Variants in BTBD8 observed in about 807,000 individuals in gnomAD.
BTBD8 encodes the protein BTB/POZ domain-containing protein 8.
In BTBD8, 110 loss-of-function variants were observed where a neutral mutation model predicts 162.9. The ratio of observed to expected loss-of-function variants is 0.68; its 90% CI spans 0.58 to 0.79. The LOEUF (loss-of-function observed/expected upper bound fraction) is 0.79, where lower values mean the gene tolerates loss of function less well. Among genes scored for constraint, BTBD8 ranks in the 30% least tolerant of loss-of-function variants. The pLI is 0.00. For missense variants in BTBD8, 1,905 were observed against 2,085.4 expected (o/e 0.91, Z 1.68); for synonymous variants, 667 against 716.1 (o/e 0.93, Z 1.10).
Position 92,081,146 on chromosome 1 carries a change from A to G in BTBD8, c.149+426A>G, listed in dbSNP as rs192004253. ...TTATTTGAAATGAGGAAAGAACAAT[A>G]CTATAGTCTTGGAGGTCTCTTCTGA... On this transcript the variant is annotated intron_variant, in intron 1 of 17. Coordinates refer to ENST00000636805, the MANE Select transcript of BTBD8 (RefSeq NM_001376131.1). 2.0e-5 allele frequency among the ~76,000 whole-genome samples: 3 copies of G among 152,312 alleles called. No individual in the cohort carries two copies. In the East Asian group the frequency reaches 5.8e-4, roughly 29 times the overall value.
At chr1:92,094,739 A>C (rs1446396570) in intron 2 of BTBD8, among the ~76,000 whole-genome samples, 1 of 152,232 alleles carries the variant, frequency 6.6e-6, no homozygotes, top group Non-Finnish European at 1.5e-5. Context: ...TTGATTTCCC[A>C]AGAAGACTAA....
At chr1:92,130,221 C>T (rs1649479749) in intron 5 of BTBD8, among the ~76,000 whole-genome samples, 1 of 152,114 alleles carries the variant, frequency 6.6e-6, no homozygotes, top group African/African-American at 2.4e-5. Context: ...AGATCAAGGA[C>T]CCATGTGACC....
At chr1:92,162,701 C>T (rs1394582037) in intron 9 of BTBD8, among the ~76,000 whole-genome samples, 3 of 152,106 alleles carry the variant, frequency 2.0e-5, no homozygotes, top group East Asian at 3.9e-4. Context: ...TTCCCTATTG[C>T]ACTCTTCCAG....
At position 92,178,203 on chromosome 1, in the gene BTBD8, A is replaced by C. The variant is rs1650777855; in HGVS notation, c.2442-109A>C. 10 of 821,300 alleles carry C rather than the reference A, an allele frequency of 1.2e-5. No homozygotes were observed. The South Asian group carries it at 2.0e-4, about 16-fold the overall frequency. 50.9% of individuals were successfully genotyped at this position (821,300 alleles called of 1,614,324 possible). A position where few individuals can be genotyped will look rare whatever the true frequency, so the allele number is the denominator to read the frequency against. On this transcript the variant is annotated intron_variant, in intron 15 of 17. Coordinates refer to ENST00000636805, the MANE Select transcript of BTBD8 (RefSeq NM_001376131.1). ...AGCATATGATTTTTCTATTTTCAGG[A>C]GAGATGTATTTTTTATTTCTTGAAA...
intron 4 of BTBD8, chr1:92,115,003 G>A: frequency 3.4e-6 from 1 of 290,830 alleles, no homozygotes; most frequent in Non-Finnish European, 6.7e-6. Context: ...GCCCTTGAGG[G>A]CCCCCTCTGA....
At chr1:92,174,556 AGT>A (rs1353630834) in intron 13 of BTBD8, among the ~76,000 whole-genome samples, 4 of 152,192 alleles carry the variant, frequency 2.6e-5, no homozygotes, top group African/African-American at 9.7e-5. Context: ...AAGTAGATTC[AGT>A]GTTAAGGGTG....
chr1:92,112,816 A>G (rs1648935888), intron 4 of BTBD8, among the ~76,000 whole-genome samples: 1 of 152,244 alleles, frequency 6.6e-6, no homozygotes, highest in Non-Finnish European at 1.5e-5. Context: ...ATTTAGATTC[A>G]CCACTCTGGA....
At chr1:92,177,604 A>G in intron 14 of BTBD8, 58 bp downstream of exon 14, 1 of 1,199,012 alleles carries the variant, frequency 8.3e-7, no homozygotes, top group Non-Finnish European at 1.2e-6. Context: ...CCTTCAAAAA[A>G]CAAAAACCTA....
chr1:92,097,961 C>T (rs1400987717), intron 2 of BTBD8, among the ~76,000 whole-genome samples: 4 of 152,220 alleles, frequency 2.6e-5, no homozygotes, highest in South Asian at 2.1e-4. Context: ...ATTTCCCCAG[C>T]GATGAGTTGT....
chr1:92,169,769 T>C (rs1354740002), intron 12 of BTBD8, among the ~76,000 whole-genome samples: 2 of 152,230 alleles, frequency 1.3e-5, no homozygotes, highest in Admixed American at 6.5e-5. Flanking sequence ...TCTGTTAAAA[T>C]ATATTTTGAG....
At chr1:92,151,904 A>G (rs1207873143) in intron 9 of BTBD8, among the ~76,000 whole-genome samples, 3 of 152,182 alleles carry the variant, frequency 2.0e-5, no homozygotes, top group Non-Finnish European at 2.9e-5. Context: ...CAGTAGTATT[A>G]CATGGTGTAT....
At chr1:92,164,971 A>C (rs1009968636) in intron 9 of BTBD8, among the ~76,000 whole-genome samples, 3 of 151,854 alleles carry the variant, frequency 2.0e-5, no homozygotes, top group Non-Finnish European at 2.9e-5. Context: ...TTTAAAAAAA[A>C]TTAGCTGGGT....
chr1:92,125,145 A>C (rs1649321005), intron 4 of BTBD8, among the ~76,000 whole-genome samples: 1 of 152,188 alleles, frequency 6.6e-6, no homozygotes, highest in Non-Finnish European at 1.5e-5. Context: ...TGTTAATTAA[A>C]GAGCCTTTGA....
Position 92,184,211 on chromosome 1 carries a change from T to C in BTBD8, c.5260T>C (p.Trp1754Arg). Residue 1754 changes from tryptophan (W) to arginine (R), a missense_variant, in exon 18 of 18, where the codon TGG becomes CGG. By Grantham distance (101) the Trp-to-Arg change is moderately radical. Coordinates refer to ENST00000636805, the MANE Select transcript of BTBD8 (RefSeq NM_001376131.1). ...GITHIDTLNR[W>R]SELTSPLDSS... ...AACACATATTGACACTTTGAACAGA[T>C]GGAGTGAACTAACATCTCCACTTGA... 6.4e-7 allele frequency: 1 copy of C among 1,551,568 alleles called. No individual in the cohort carries two copies. The highest frequency in any genetic ancestry group is 1.2e-5 in the South Asian group (1 of 84,066).
intron 13 of BTBD8, among the ~76,000 whole-genome samples, chr1:92,171,999 G>A (rs2100677152): frequency 6.6e-6 from 1 of 152,278 alleles, no homozygotes; most frequent in South Asian, 2.1e-4. Context: ...GCTGAGGGAG[G>A]AGAATTGCTT....
At chr1:92,135,900 C>T (rs1415262123) in intron 5 of BTBD8, among the ~76,000 whole-genome samples, 1 of 152,020 alleles carries the variant, frequency 6.6e-6, no homozygotes, top group African/African-American at 2.4e-5. Context: ...TGATAAGAAT[C>T]GTTCTGGAAA....
At chr1:92,164,545 G>A (rs902131605) in intron 9 of BTBD8, among the ~76,000 whole-genome samples, 20 of 152,022 alleles carry the variant, frequency 1.3e-4, no homozygotes, top group African/African-American at 4.8e-4. Flanking sequence ...CTTGAACTGG[G>A]GAGGTGGAGG....
intron 2 of BTBD8, among the ~76,000 whole-genome samples, chr1:92,097,088 A>C (rs868167003): frequency 1.3e-5 from 2 of 152,290 alleles, no homozygotes; most frequent in South Asian, 4.1e-4. Context: ...CAGTGCTTCT[A>C]AAATCAAATC....
In BTBD8 at chr1:92,177,074, A is replaced by G. The variant is rs555823359; in HGVS notation, c.1881A>G (p.Gly627=). The change falls in exon 14 of 18, where the codon GGA becomes GGG. Residue 627 remains glycine (G), a synonymous_variant. Transcript: ENST00000636805. ...TTACAAAAGAACTAAAAACTGGGGG[A>G]AAAAATGTTTCTGGAAAGCCCAAAA... The part of the protein sequence containing the change: ...SKITKELKTG[G]KNVSGKPKTV... 1.2e-4 allele frequency: 185 copies of G among 1,551,412 alleles called. No individual in the cohort carries two copies. The African/African-American group carries it at 2.4e-3, about 20-fold the overall frequency.
Sources: gnomAD v4.1 joint callset for allele counts (sites outside exome capture counted in the v4.1 genomes callset) on GRCh38, gnomAD v4.1.1 for gene constraint, MANE v1.5 for transcripts, NCBI Gene and HGNC (gene_info 2026-07-23, HGNC 2026-07-21) for gene names.